Variants in COL17A1 observed in about 807,000 individuals in gnomAD.
COL17A1 encodes the protein collagen alpha-1(XVII) chain.
In COL17A1, 181 loss-of-function variants were observed where a neutral mutation model predicts 218.4. The ratio of observed to expected loss-of-function variants is 0.83; its 90% CI spans 0.73 to 0.94. The LOEUF is 0.94. Ranked by LOEUF, COL17A1 falls within the 40% of genes least tolerant of loss-of-function variation. The probability of loss-of-function intolerance (pLI) is 0.00; values close to 1 mark genes in which losing one functional copy is unlikely to be tolerated. For missense variants in COL17A1, 1,924 were observed against 1,945.9 expected, an observed-to-expected ratio of 0.99 and a Z score of 0.21; for synonymous variants, 721 against 731.0, an observed-to-expected ratio of 0.99 and a Z score of 0.22.
At position 104,063,740 on chromosome 10, in the gene COL17A1, C is replaced by T. The variant is rs776014562; in HGVS notation, c.838+7G>A. 5.0e-6 allele frequency: 8 copies of T among 1,614,038 alleles called. No individual in the cohort carries two copies. The highest frequency in any genetic ancestry group is 6.8e-6 in the Non-Finnish European group (8 of 1,180,028). On this transcript the variant is annotated splice_region_variant and intron_variant, in intron 11 of 55. Coordinates refer to ENST00000648076, the MANE Select transcript of COL17A1 (RefSeq NM_000494.4). ...TGGAAAAGTCATCTCAAGATGGTGA[C>T]ACTGACCTGAGGAGGATGTGCTGAG...
rs1235355441 is a variant in COL17A1 at position 104,042,455 on chromosome 10, C to T, written c.2516G>A (p.Gly839Asp). 6.2e-7 allele frequency: 1 copy of T among 1,614,090 alleles called. No homozygotes were observed. Among genetic ancestry groups the T allele is most frequent in the South Asian group, 1.1e-5 (1 of 91,080 alleles). ...TGGGAGACCAGCTGGGCCGGCAGGGCCTGGAAACGGGGTTGAGGAAGAAAA... is the reference window on the plus strand; with the variant it reads ...TGGGAGACCAGCTGGGCCGGCAGGGTCTGGAAACGGGGTTGAGGAAGAAAA... Reference protein sequence around the residue: ...MGPPGPPGAPGPAGPAGLPGH... With the variant: ...MGPPGPPGAPDPAGPAGLPGH... The change falls in exon 36 of 56, where the codon GGC becomes GAC. Residue 839 changes from glycine to aspartate, a missense_variant and splice_region_variant. Coordinates refer to ENST00000648076, the MANE Select transcript of COL17A1 (RefSeq NM_000494.4).
rs117837187 is a variant in COL17A1 at position 104,040,408 on chromosome 10, T to A, written c.2704A>T (p.Thr902Ser). The stretch of plus-strand genomic sequence containing the variant: ...GGGCCTGGGGGGCCGGAGAGGAAGG[T>A]TTCTGCAGAGGAAGGAAATAGTTTG... ...PPGSFLSNSE[T>S]FLSGPPGPPG... The change falls in exon 40 of 56, where the codon ACC becomes TCC. Residue 902 changes from threonine to serine, a missense_variant and splice_region_variant. Transcript: ENST00000648076. The A allele has an allele frequency of 3.5e-4, 564 of 1,607,308 alleles. 7 individuals carry two copies. The East Asian group carries it at 0.011, about 30-fold the overall frequency.
Position 104,077,472 on chromosome 10 carries a change from C to G in COL17A1, c.152G>C (p.Arg51Pro). The stretch of plus-strand genomic sequence containing the variant: ...ATGAGTCAGGCTTTGTTTCTCCAGC[C>G]GGCTCCCTCCACCAAGAGAGGCTGT... ...AKTASLGGGS[R>P]LEKQSLTHGS... Residue 51 changes from arginine (R) to proline (P), a missense_variant, in exon 4 of 56, where the codon CGG becomes CCG. Coordinates refer to ENST00000648076, the MANE Select transcript of COL17A1 (RefSeq NM_000494.4). 1 of 1,613,484 alleles carries G rather than the reference C, an allele frequency of 6.2e-7. No individual in the cohort carries two copies. The highest frequency in any genetic ancestry group is 8.5e-7 in the Non-Finnish European group (1 of 1,179,878).
At chr10:104,049,944 C>T (rs1281550027) in intron 28 of COL17A1, 145 bp downstream of exon 28, 5 of 1,295,294 alleles carry the variant, frequency 3.9e-6, no homozygotes, top group Non-Finnish European at 5.4e-6. Flanking sequence ...TTTATTTTCT[C>T]ATCTTGTGTT....
rs771134001 is a variant in COL17A1, at chr10:104,032,773, C to T, written c.4358-19G>A. The T allele has an allele frequency of 1.3e-5, 21 of 1,613,628 alleles. No homozygotes were observed. The highest frequency in any genetic ancestry group is 9.3e-5 in the African/African-American group (7 of 74,912). On this transcript the variant is annotated intron_variant, in intron 54 of 55. Transcript: ENST00000648076. The stretch of plus-strand genomic sequence containing the variant: ...CTGTCACCTGGAAGGAAAAATGGGG[C>T]GTAACTAAGTAATACATGAGTCTGG...
intron 16 of COL17A1, among the ~76,000 whole-genome samples, chr10:104,057,682 T>A (rs1158068735): frequency 6.6e-6 from 1 of 151,882 alleles, no homozygotes; most frequent in Non-Finnish European, 1.5e-5. Context: ...GCCTAGTGAA[T>A]TAAAACAATG....
intron 18 of COL17A1, 148 bp from the exon 19 acceptor site, chr10:104,055,549 C>T (rs2086514434): frequency 7.3e-7 from 1 of 1,377,140 alleles, no homozygotes; most frequent in African/African-American, 1.4e-5. Context: ...CTAAATTTGG[C>T]TAGTCCAGTG....
At chr10:104,042,109 G>C (rs2086366269) in intron 36 of COL17A1, among the ~76,000 whole-genome samples, 1 of 152,150 alleles carries the variant, frequency 6.6e-6, no homozygotes, top group Non-Finnish European at 1.5e-5. Context: ...AGTCCTCTCA[G>C]CCTGGGCCTG....
At chr10:104,050,146 T>G in intron 27 of COL17A1, 22 bp from the exon 28 acceptor site, 1 of 1,612,718 alleles carries the variant, frequency 6.2e-7, no homozygotes. Context: ...AAGGGGGAGG[T>G]GGAAAAAGCC....
chr10:104,050,234 A>T (rs1007329351), intron 27 of COL17A1, 110 bp from the exon 28 acceptor site: 2 of 1,494,382 alleles, frequency 1.3e-6, no homozygotes, highest in African/African-American at 2.8e-5. Context: ...GTATCCGTGA[A>T]CTCCTGTCAG....
intron 13 of COL17A1, among the ~76,000 whole-genome samples, chr10:104,060,747 T>G (rs805703): frequency 0.93 from 141,075 of 152,248 alleles, 65,889 homozygotes; most frequent in Non-Finnish European, 1. Flanking sequence ...ACTTATTGCT[T>G]TCCTTATAAT....
chr10:104,032,983 A>G lies in COL17A1; in HGVS notation c.4295-15T>C, dbSNP rs765903384. The G allele has an allele frequency of 5.6e-6, 9 of 1,612,758 alleles. No homozygotes were observed. In the Admixed American group the frequency reaches 1.3e-4, roughly 24 times the overall value. On this transcript the variant is annotated splice_polypyrimidine_tract_variant and intron_variant, in intron 53 of 55. Transcript: ENST00000648076. ...GGCTCCATAAGCTGCAAAAGCAAGG[A>G]AACACTGGCCTTAGAGTCTTGATCA...
chr10:104,059,969 G>T, intron 14 of COL17A1, 150 bp downstream of exon 14: 3 of 1,379,846 alleles, frequency 2.2e-6, no homozygotes, highest in Non-Finnish European at 3.0e-6. Context: ...GCAGACCCTG[G>T]AACATACTAT....
intron 5 of COL17A1, among the ~76,000 whole-genome samples, 186 bp downstream of exon 5, chr10:104,076,115 A>G (rs1248787259): frequency 6.6e-6 from 1 of 152,244 alleles, no homozygotes; most frequent in Non-Finnish European, 1.5e-5. Context: ...GTGAATGAAT[A>G]AATAAATGAG....
Position 104,047,972 on chromosome 10 carries a change from A to G in COL17A1, c.2263+97T>C, listed in dbSNP as rs2086429238. On this transcript the variant is annotated intron_variant, in intron 30 of 55. Coordinates refer to ENST00000648076, the MANE Select transcript of COL17A1 (RefSeq NM_000494.4). Reference sequence around the variant, plus strand: ...GACACTGCACACTTCCACATGCTATATGCTCCTCTGCACTATGGTTAAGGG... The same window carrying G: ...GACACTGCACACTTCCACATGCTATGTGCTCCTCTGCACTATGGTTAAGGG... 5 of 1,475,782 alleles carry G rather than the reference A, an allele frequency of 3.4e-6. No homozygotes were observed. The African/African-American group carries it at 4.2e-5, about 12-fold the overall frequency. The allele number at this position is 1,475,782 out of a possible 1,614,324, so 91.4% of individuals were successfully genotyped here.
intron 43 of COL17A1, 104 bp from the exon 44 acceptor site, chr10:104,039,225 T>A: frequency 8.1e-7 from 1 of 1,230,578 alleles, no homozygotes; most frequent in Non-Finnish European, 1.2e-6. Context: ...GTCCCATGTC[T>A]CTTGGCCTCC....
chr10:104,048,126 C>G (rs2086431627), intron 29 of COL17A1, 22 bp from the exon 30 acceptor site: 2 of 1,613,954 alleles, frequency 1.2e-6, no homozygotes, highest in Non-Finnish European at 1.7e-6. Flanking sequence ...GAAGCAAGGT[C>G]TCTCAGTTGC....
chr10:104,050,981 C>T, intron 25 of COL17A1, 80 bp from the exon 26 acceptor site: 1 of 1,594,314 alleles, frequency 6.3e-7, no homozygotes, highest in Non-Finnish European at 8.6e-7. Flanking sequence ...CACACATGCA[C>T]ACATACAGGC....
chr10:104,049,361 AC>A (rs770720781), intron 29 of COL17A1, 47 bp downstream of exon 29: 2 of 1,564,356 alleles, frequency 1.3e-6, no homozygotes, highest in East Asian at 4.5e-5. Flanking sequence ...GGTCGTGGTG[AC>A]CCCTCAGATG....
Sources: allele counts gnomAD v4.1 joint callset (sites outside exome capture counted in the v4.1 genomes callset), GRCh38; gene constraint gnomAD v4.1.1; transcripts MANE v1.5; gene names NCBI Gene and HGNC (gene_info 2026-07-23, HGNC 2026-07-21).